MYH15: variants seen among roughly 807,000 people sequenced by gnomAD.
The protein encoded by MYH15 is myosin heavy chain 15.
In MYH15, 227 loss-of-function variants were observed where a neutral mutation model predicts 240.5. That is an observed-to-expected ratio of 0.94 (90% CI 0.85 to 1.05). The LOEUF is 1.05. Ranked by LOEUF, MYH15 falls within the 50% of genes least tolerant of loss-of-function variation. The pLI, the probability that MYH15 is intolerant of heterozygous loss-of-function variation, is 0.00. For synonymous variants in MYH15, 785 were observed against 796.7 expected (o/e 0.99, Z 0.25); for missense variants, 2,217 against 2,247.5 (o/e 0.99, Z 0.27).
intron 25 of MYH15, among the ~76,000 whole-genome samples, chr3:108,434,773 G>T (rs1280226429): frequency 1.3e-5 from 2 of 152,128 alleles, no homozygotes; most frequent in Non-Finnish European, 2.9e-5. Flanking sequence ...AGTGGACACT[G>T]AGCAGGAAAT....
intron 23 of MYH15, 48 bp downstream of exon 23, chr3:108,440,970 G>T (rs1461692606): frequency 6.2e-7 from 1 of 1,606,128 alleles, no homozygotes; most frequent in Non-Finnish European, 8.5e-7. Flanking sequence ...ATTTGAGAGT[G>T]GAATTCTGGC....
the MYH15 span, among the ~76,000 whole-genome samples, chr3:108,546,922 A>C: frequency 2.0e-5 from 3 of 152,164 alleles, no homozygotes; most frequent in Non-Finnish European, 4.4e-5. Context: ...GTAAGGTTTC[A>C]AAGTGATTTG....
chr3:108,437,514 A>C lies in MYH15; in HGVS notation c.3221+40T>G, dbSNP rs1336492593. 6 of 1,589,310 alleles carry C rather than the reference A, an allele frequency of 3.8e-6. No individual in the cohort carries two copies. The South Asian group carries it at 7.0e-5, about 19-fold the overall frequency. On this transcript the variant is annotated intron_variant, in intron 25 of 40. Coordinates refer to ENST00000693548, the MANE Select transcript of MYH15 (RefSeq NM_014981.3). The stretch of plus-strand genomic sequence containing the variant: ...TGAGAAAGCTGTTCCTTCTAATATA[A>C]GGTCTCCAGCAATCTCATGTCAACA...
At chr3:108,437,454 G>T in intron 25 of MYH15, 100 bp downstream of exon 25, 1 of 1,413,530 alleles carries the variant, frequency 7.1e-7, no homozygotes, top group Non-Finnish European at 9.5e-7. Context: ...TGGGTCTTGA[G>T]CTATCTGGCC....
At chr3:108,510,653 A>G, upstream of MYH15, 8 of 1,474,352 alleles carry the variant, frequency 5.4e-6, no homozygotes, top group Non-Finnish European at 7.5e-6. Context: ...CTAAATGAGC[A>G]ACCATTCACA....
At chr3:108,417,467 C>A (rs2082643534) in intron 28 of MYH15, among the ~76,000 whole-genome samples, 1 of 152,012 alleles carries the variant, frequency 6.6e-6, no homozygotes, top group South Asian at 2.1e-4. Context: ...ACTTTTATTA[C>A]CTCACTTGTA....
At chr3:108,537,594 T>C in the MYH15 span, among the ~76,000 whole-genome samples, 1 of 152,108 alleles carries the variant, frequency 6.6e-6, no homozygotes, top group Admixed American at 6.6e-5. Context: ...CAAGGCAGCA[T>C]CTTAGAAGAG....
At position 108,394,406 on chromosome 3, in the gene MYH15, T is replaced by C. The variant is rs542949376; in HGVS notation, c.5134-250A>G. 2.6e-5 allele frequency among the ~76,000 whole-genome samples: 4 copies of C among 152,296 alleles called. No individual in the cohort carries two copies. In the East Asian group the frequency reaches 5.8e-4, roughly 22 times the overall value. On this transcript the variant is annotated intron_variant, in intron 35 of 40. Transcript: ENST00000693548. The stretch of plus-strand genomic sequence containing the variant: ...CCTGAATCAGAAGGGAAGAAGGGTA[T>C]CTAGATAACCTACAAGCCCCAAACG...
At chr3:108,465,638 T>C (rs1018425928) in intron 14 of MYH15, among the ~76,000 whole-genome samples, 1 of 151,820 alleles carries the variant, frequency 6.6e-6, no homozygotes, top group African/African-American at 2.4e-5. Context: ...TTTTAAAGAG[T>C]TTTAAAAAAC....
chr3:108,439,665 T>C, intron 24 of MYH15, 72 bp downstream of exon 24: 1 of 1,251,590 alleles, frequency 8.0e-7, no homozygotes, highest in Non-Finnish European at 1.1e-6. Context: ...CAAGATAAAT[T>C]AATGAAGTAA....
At chr3:108,490,222 C>A (rs1485260284) in intron 9 of MYH15, among the ~76,000 whole-genome samples, 2 of 152,226 alleles carry the variant, frequency 1.3e-5, no homozygotes, top group Non-Finnish European at 2.9e-5. Flanking sequence ...ACACCAATTA[C>A]ATCTATGGCA....
intron 28 of MYH15, among the ~76,000 whole-genome samples, chr3:108,420,471 C>T (rs2082673557): frequency 1.3e-5 from 2 of 152,186 alleles, no homozygotes; most frequent in Admixed American, 1.3e-4. Context: ...TAACCCTTAT[C>T]CCCAAGTCTT....
intron 1 of MYH15, among the ~76,000 whole-genome samples, chr3:108,507,256 T>TTC (rs377142521): frequency 4.8e-5 from 3 of 62,738 alleles, no homozygotes; most frequent in East Asian, 6.0e-4. Context: ...TATATATATA[T>TTC]ATATATATAT....
At chr3:108,526,742 C>T (rs1014178297) in intron 1 of MYH15, among the ~76,000 whole-genome samples, 1 of 152,160 alleles carries the variant, frequency 6.6e-6, no homozygotes, top group African/African-American at 2.4e-5. Flanking sequence ...CTGGCTGACA[C>T]TTTCTCATAA....
intron 33 of MYH15, among the ~76,000 whole-genome samples, chr3:108,402,358 G>A (rs1157092577): frequency 1.3e-5 from 2 of 152,230 alleles, no homozygotes; most frequent in South Asian, 2.1e-4. Flanking sequence ...ACTGAGTTCA[G>A]AGGAGTGGAC....
Position 108,414,253 on chromosome 3 carries a change from G to A in MYH15, c.4124C>T (p.Thr1375Ile), listed in dbSNP as rs1320231406. ...TCACTTGGCATCCTCCAAGTCTTCTGTTCTCTGGATGACATTGTTTTCATA... is the reference window on the plus strand; with the variant it reads ...TCACTTGGCATCCTCCAAGTCTTCTATTCTCTGGATGACATTGTTTTCATA... ...MKYENNVIQR[T>I]EDLEDAKKEL... Residue 1375 changes from threonine (T) to isoleucine (I), a missense_variant, in exon 30 of 41, where the codon ACA (threonine) becomes ATA (isoleucine). Transcript: ENST00000693548. 2 of 1,614,160 alleles carry A rather than the reference G, an allele frequency of 1.2e-6. No homozygotes were observed. The highest frequency in any genetic ancestry group is 3.3e-5 in the Admixed American group (2 of 60,028).
chr3:108,542,912 GCT>G, the MYH15 span, among the ~76,000 whole-genome samples: 1 of 125,096 alleles, frequency 8.0e-6, no homozygotes, highest in African/African-American at 3.2e-5. Flanking sequence ...ATGGAGTCTT[GCT>G]CTGTTGCCCA....
At chr3:108,444,559 G>A in intron 22 of MYH15, 81 bp downstream of exon 22, 1 of 1,478,206 alleles carries the variant, frequency 6.8e-7, no homozygotes. Flanking sequence ...CTATTTTTTT[G>A]TTTCCGTGTC....
intron 35 of MYH15, among the ~76,000 whole-genome samples, chr3:108,398,246 C>T (rs79842012): frequency 2.0e-5 from 3 of 152,052 alleles, no homozygotes; most frequent in Non-Finnish European, 4.4e-5. Context: ...CATGTGAAGG[C>T]GGAAGGTTAG....
Sources: gnomAD v4.1 joint callset for allele counts (sites outside exome capture counted in the v4.1 genomes callset) on GRCh38, gnomAD v4.1.1 for gene constraint, MANE v1.5 for transcripts, NCBI Gene and HGNC (gene_info 2026-07-23, HGNC 2026-07-21) for gene names.